The following PITPNM1 variants were observed in gnomAD, a reference collection of about 807,000 sequenced individuals.
PITPNM1 encodes the protein membrane-associated phosphatidylinositol transfer protein 1.
Under a neutral mutation model 133.3 loss-of-function variants are expected in PITPNM1, and 74 were observed. That is an observed-to-expected ratio of 0.56 (90% CI 0.46 to 0.67). The LOEUF is 0.67. PITPNM1 is among the 30% of genes least tolerant of loss of function. PITPNM1 has a pLI of 0.00. For missense variants in PITPNM1, 1,398 were observed against 1,739.5 expected (o/e 0.80, Z 3.49); for synonymous variants, 738 against 741.4 (o/e 1.00, Z 0.08).
rs149766151 is a variant in PITPNM1, at chr11:67,498,808, G to A, written c.1272C>T (p.Cys424=). The A allele has an allele frequency of 1.3e-4, 206 of 1,611,816 alleles. No homozygotes were observed. Among genetic ancestry groups the A allele is most frequent in the South Asian group, 7.9e-4 (72 of 91,064 alleles). The change falls in exon 10 of 24, where the codon TGC becomes TGT. Residue 424 remains cysteine, a synonymous_variant. Coordinates refer to ENST00000356404, the MANE Select transcript of PITPNM1 (RefSeq NM_004910.3). The surrounding 1 kb of genome is among the most constrained non-coding windows in gnomAD (Gnocchi z 5.7). ...DGAGELGAEA[C]AVHALFLILH... ...GGATAAGGAAGAGGGCGTGGACTGC[G>A]CATGCCTCAGCCCCCAGCTCCCCGG...
chr11:67,501,905 G>A lies in PITPNM1; in HGVS notation c.597C>T (p.Tyr199=). The part of the protein sequence containing the change: ...AYKLCKVEFR[Y]WGMQAKIEQF... ...GCTCGATCTTGGCTTGCATGCCCCA[G>A]TAGCGGAACTCAACCTTGCACAGCT... Residue 199 remains tyrosine (Y), a synonymous_variant, in exon 5 of 24, where the codon TAC becomes TAT. Coordinates refer to ENST00000356404, the MANE Select transcript of PITPNM1 (RefSeq NM_004910.3). 5 of 1,613,648 alleles carry A rather than the reference G, an allele frequency of 3.1e-6. No homozygotes were observed. Among genetic ancestry groups the A allele is most frequent in the South Asian group, 1.1e-5 (1 of 91,086 alleles).
At chr11:67,497,852 G>C (rs973401651) in intron 12 of PITPNM1, 65 bp downstream of exon 12, 1 of 1,517,904 alleles carries the variant, frequency 6.6e-7, no homozygotes, top group African/African-American at 1.4e-5. Flanking sequence ...CATTCCAGGG[G>C]GCAGAGACCT....
intron 14 of PITPNM1, chr11:67,496,635 A>G (rs1486632947): frequency 4.9e-6 from 2 of 411,014 alleles, no homozygotes; most frequent in African/African-American, 2.1e-5. Context: ...CCCCGTCTCC[A>G]TTAAAAATAC....
chr11:67,497,314 A>C lies in PITPNM1; in HGVS notation c.2063T>G (p.Phe688Cys). The change falls in exon 14 of 24, where the codon TTC becomes TGC. Residue 688 changes from phenylalanine to cysteine, a missense_variant. Physicochemically the swap from Phe to Cys is radical, Grantham distance 205 (BLOSUM62 -2). Coordinates refer to ENST00000356404, the MANE Select transcript of PITPNM1 (RefSeq NM_004910.3). ...GAAGAGGAAGAAGCCAGAGACCTTG[A>C]AGTCAAGGCGGGCAGTGCTGCTGGG... ...DGPSSTARLD[F>C]KVSGFFLFGS... 6.2e-7 allele frequency: 1 copy of C among 1,612,376 alleles called. No homozygotes were observed. Among genetic ancestry groups the C allele is most frequent in the Non-Finnish European group, 8.5e-7 (1 of 1,179,510 alleles).
At position 67,495,457 on chromosome 11, in the gene PITPNM1, G is replaced by A. The variant is rs1375145629; in HGVS notation, c.2463C>T (p.Thr821=). The change falls in exon 16 of 24, where the codon ACC becomes ACT. Residue 821 remains threonine (T), a synonymous_variant. Coordinates refer to ENST00000356404, the MANE Select transcript of PITPNM1 (RefSeq NM_004910.3). ...ACTTACTCTTAACCACCTCACTGGT[G>A]GTGCTGGGGGCGGCTGGCTGGGCCG... ...DPPAQPAAPS[T]TSEVVKILER... 6.5e-7 allele frequency: 1 copy of A among 1,534,260 alleles called. No individual in the cohort carries two copies. The highest frequency in any genetic ancestry group is 2.2e-5 in the Admixed American group (1 of 45,874).
In PITPNM1 at chr11:67,498,172, G is replaced by A. The variant is rs772281320; in HGVS notation, c.1635C>T (p.Ala545=). The A allele has an allele frequency of 2.9e-5, 46 of 1,613,176 alleles. No individual in the cohort carries two copies. The East Asian group carries it at 1.0e-3, about 35-fold the overall frequency. Residue 545 remains alanine (A), a synonymous_variant, in exon 11 of 24, where the codon GCC becomes GCT. Transcript: ENST00000356404. The surrounding 1 kb of genome is among the most constrained non-coding windows in gnomAD (Gnocchi z 5.7). The part of the protein sequence containing the change: ...VIARTNQAYS[A]FLRSPEGAGF... ...CGGCACCCTCAGGTGAGCGCAGGAA[G>A]GCTGAGTAGGCCTGGTTGGTGCGGG... is the stretch of plus-strand genomic sequence containing the variant.
At position 67,492,278 on chromosome 11, in the gene PITPNM1, C is replaced by T; in HGVS notation, c.3490G>A (p.Val1164Met). 6.3e-7 allele frequency: 1 copy of T among 1,579,910 alleles called. No homozygotes were observed. Among genetic ancestry groups the T allele is most frequent in the South Asian group, 1.1e-5 (1 of 87,264 alleles). The change falls in exon 24 of 24, where the codon GTG (valine) becomes ATG (methionine). Residue 1164 changes from valine to methionine, a missense_variant. Transcript: ENST00000356404. ...AQCQFLSDGYVAHLGQLEAGS... is the reference protein window; with the variant it reads ...AQCQFLSDGYMAHLGQLEAGS... ...GCTTCCAGCTGGCCCAGGTGGGCCA[C>T]ATAGCCGTCTGACAGGAACTGTGGG...
intron 16 of PITPNM1, 31 bp from the exon 17 acceptor site, chr11:67,495,256 C>A: frequency 6.4e-7 from 1 of 1,553,794 alleles, no homozygotes; most frequent in South Asian, 1.2e-5. Flanking sequence ...GTCAGGATGG[C>A]CTCCTGCCCC....
Position 67,491,943 on chromosome 11 carries a change from C to A in PITPNM1, c.*90G>T. The A allele has an allele frequency of 6.8e-7, 1 of 1,469,354 alleles. No homozygotes were observed. The highest frequency in any genetic ancestry group is 9.2e-7 in the Non-Finnish European group (1 of 1,086,300). 91.0% of individuals were successfully genotyped at this position (1,469,354 alleles called of 1,614,324 possible). A position where few individuals can be genotyped will look rare whatever the true frequency, so the allele number is the denominator to read the frequency against. On this transcript the variant is annotated 3_prime_UTR_variant, in exon 24 of 24. Transcript: ENST00000356404. ...GGGCTGGGGGGGCCAGCGCTGGGGC[C>A]AAAAGTCTGGGTCCCCAGCCTCCCA...
At chr11:67,496,949 C>G in intron 14 of PITPNM1, 2 of 278,256 alleles carry the variant, frequency 7.2e-6, no homozygotes, top group Admixed American at 5.2e-5. Context: ...AAAAAAAAGG[C>G]TGAGAAGAGG....
At chr11:67,495,993 C>A (rs1044444178) in intron 15 of PITPNM1, among the ~76,000 whole-genome samples, 185 bp downstream of exon 15, 1 of 152,238 alleles carries the variant, frequency 6.6e-6, no homozygotes, top group Non-Finnish European at 1.5e-5. Flanking sequence ...CACCCAACTT[C>A]TAGGCCCAGG....
In PITPNM1 at chr11:67,498,317, C is replaced by G; in HGVS notation, c.1490G>C (p.Ser497Thr). The change falls in exon 11 of 24, where the codon AGC becomes ACC. Residue 497 changes from serine to threonine, a missense_variant. Physicochemically the swap from Ser to Thr is moderately conservative, Grantham distance 58. Transcript: ENST00000356404. This position sits in a 1 kb window ranked among gnomAD's most constrained non-coding sequence, Gnocchi z 5.7. The part of the protein sequence containing the change: ...AAAYALVSNL[S>T]PYSHDGDSLS... The stretch of plus-strand genomic sequence containing the variant: ...GCTGTCCCCATCGTGGCTGTAAGGG[C>G]TCAGGCTGTAGGAGGGGGAAATGTG... 6.4e-7 allele frequency: 1 copy of G among 1,574,206 alleles called. No homozygotes were observed.
At position 67,496,311 on chromosome 11, in the gene PITPNM1, G is replaced by A; in HGVS notation, c.2184C>T (p.Asn728=). 6.3e-7 allele frequency: 1 copy of A among 1,585,028 alleles called. No homozygotes were observed. Among genetic ancestry groups the A allele is most frequent in the Non-Finnish European group, 8.5e-7 (1 of 1,169,856 alleles). The change falls in exon 15 of 24, where the codon AAC becomes AAT. Residue 728 remains asparagine, a synonymous_variant. Coordinates refer to ENST00000356404, the MANE Select transcript of PITPNM1 (RefSeq NM_004910.3). ...CGCAGGGGTCAGCCGCGTGGAAGAG[G>A]TTGTAGATCTGTTCACAGGCTGGGC... is the stretch of plus-strand genomic sequence containing the variant. ...QMRPACEQIY[N]LFHAADPCAS... is the part of the protein sequence containing the mutation.
chr11:67,498,047 T>A lies in PITPNM1; in HGVS notation c.1675-23A>T. The A allele has an allele frequency of 6.2e-7, 1 of 1,608,272 alleles. No individual in the cohort carries two copies. Among genetic ancestry groups the A allele is most frequent in the Non-Finnish European group, 8.5e-7 (1 of 1,178,832 alleles). ...GACCTGGGTGGGAGCAGGGGCACCA[T>A]CAGGAGAGGCCTTGTCCTCACCCAG... is the stretch of plus-strand genomic sequence containing the variant. On this transcript the variant is annotated intron_variant, in intron 11 of 23. Transcript: ENST00000356404. The surrounding 1 kb of genome is among the most constrained non-coding windows in gnomAD (Gnocchi z 5.7).
chr11:67,497,443 GGGA>G lies in PITPNM1; in HGVS notation c.1941-10_1941-8del, dbSNP rs1866161336. The G allele has an allele frequency of 2.5e-6, 4 of 1,590,650 alleles. No homozygotes were observed. Among genetic ancestry groups the G allele is most frequent in the Non-Finnish European group, 2.6e-6 (3 of 1,166,514 alleles). On this transcript the variant is annotated splice_region_variant and splice_polypyrimidine_tract_variant and intron_variant, in intron 13 of 23. Coordinates refer to ENST00000356404, the MANE Select transcript of PITPNM1 (RefSeq NM_004910.3). ...TGCGGGGGCTGCCTGAAGGCTGTGGGGGAGGAGGGGTGCTCAGTGCTGCTGCCT... is the reference window on the plus strand; with the variant it reads ...TGCGGGGGCTGCCTGAAGGCTGTGGGGGAGGGGTGCTCAGTGCTGCTGCCT...
upstream of PITPNM1, chr11:67,506,063 C>G (rs1488833785): frequency 6.6e-6 from 1 of 152,396 alleles, no homozygotes; most frequent in Non-Finnish European, 1.5e-5. Context: ...GACACTGAGG[C>G]CAAGTGCTGG....
At chr11:67,495,289 G>A (rs767461544) in intron 16 of PITPNM1, 64 bp from the exon 17 acceptor site, 1 of 1,508,116 alleles carries the variant, frequency 6.6e-7, no homozygotes, top group South Asian at 1.3e-5. Flanking sequence ...CTGGGCGCTG[G>A]GTGCTCTTCC....
At chr11:67,492,746 C>G (rs950507942) in intron 23 of PITPNM1, among the ~76,000 whole-genome samples, 188 bp downstream of exon 23, 1 of 152,258 alleles carries the variant, frequency 6.6e-6, no homozygotes, top group African/African-American at 2.4e-5. Flanking sequence ...TGTGGGCTGT[C>G]CCCTCTGGCT....
chr11:67,505,528 C>A (rs1050900920), upstream of PITPNM1, among the ~76,000 whole-genome samples: 4 of 152,180 alleles, frequency 2.6e-5, no homozygotes, highest in African/African-American at 7.2e-5. The surrounding 1 kb of genome is among the most constrained non-coding windows in gnomAD (Gnocchi z 5.8). Flanking sequence ...GGAAAAAGGC[C>A]ATTGCCTAAA....
Sources: gnomAD v4.1 joint callset for allele counts (sites outside exome capture counted in the v4.1 genomes callset) on GRCh38, gnomAD v4.1.1 for gene constraint, Gnocchi (gnomAD v3.1) non-coding constraint, MANE v1.5 for transcripts, NCBI Gene and HGNC (gene_info 2026-07-23, HGNC 2026-07-21) for gene names.